The following LARGE1 variants were observed in gnomAD, a reference collection of about 807,000 sequenced individuals.
The protein encoded by LARGE1 is LARGE xylosyl- and glucuronyltransferase 1, also known as xylosyl- and glucuronyltransferase LARGE1.
Under a neutral mutation model 87.6 loss-of-function variants are expected in LARGE1, and 43 were observed. The observed-to-expected ratio is 0.49, with a 90% CI of 0.38 to 0.63. The LOEUF (loss-of-function observed/expected upper bound fraction) is 0.63. Among genes scored for constraint, LARGE1 ranks in the 30% least tolerant of loss-of-function variants. The probability of loss-of-function intolerance (pLI) is 0.00; values close to 1 mark genes in which losing one functional copy is unlikely to be tolerated. For synonymous variants in LARGE1, 434 were observed against 394.6 expected (o/e 1.10, Z -1.18); for missense variants, 802 against 1,000.2 (o/e 0.80, Z 2.67).
chr22:33,753,262 G>T (rs550675361), intron 2 of LARGE1, among the ~76,000 whole-genome samples: 1 of 152,006 alleles, frequency 6.6e-6, no homozygotes, highest in South Asian at 2.1e-4. Context: ...ATAAGAGGGG[G>T]GTAGGAGAGT....
chr22:33,668,141 G>T (rs1358639560), intron 2 of LARGE1, among the ~76,000 whole-genome samples: 2 of 152,220 alleles, frequency 1.3e-5, no homozygotes, highest in East Asian at 3.9e-4. Flanking sequence ...CTGCTTTATG[G>T]AATAATTAAT....
chr22:33,375,861 C>T (rs888856988), intron 9 of LARGE1, among the ~76,000 whole-genome samples: 7 of 152,168 alleles, frequency 4.6e-5, no homozygotes, highest in Non-Finnish European at 7.3e-5. Flanking sequence ...AGTTCTCCCA[C>T]CTCAACCTCC....
chr22:33,884,321 C>T (rs767797249), intron 1 of LARGE1, among the ~76,000 whole-genome samples: 2 of 152,230 alleles, frequency 1.3e-5, no homozygotes, highest in Non-Finnish European at 1.5e-5. Context: ...TATCCTGGGT[C>T]ACTGTACGTT....
At chr22:33,879,172 A>G (rs1601838546) in intron 1 of LARGE1, among the ~76,000 whole-genome samples, 1 of 152,190 alleles carries the variant, frequency 6.6e-6, no homozygotes, top group African/African-American at 2.4e-5. Flanking sequence ...GGGTTTCTCT[A>G]TGTTGGTCAG....
At chr22:33,776,598 TTCC>T (rs906601789) in intron 1 of LARGE1, among the ~76,000 whole-genome samples, 1 of 152,176 alleles carries the variant, frequency 6.6e-6, no homozygotes, top group Non-Finnish European at 1.5e-5. Context: ...ATCTTTGTTC[TTCC>T]GATTTTCATT....
chr22:33,729,742 C>G lies in LARGE1; in HGVS notation c.106+31629G>C, dbSNP rs150829183. On this transcript the variant is annotated intron_variant, in intron 2 of 14. Transcript: ENST00000397394. Reference sequence around the variant, plus strand: ...GAACACAGGATGGACATGGCCCTAGCCCCTTCCCTAAGCCTTGGTTCCTAC... The same window carrying G: ...GAACACAGGATGGACATGGCCCTAGGCCCTTCCCTAAGCCTTGGTTCCTAC... 4.5e-4 allele frequency among the ~76,000 whole-genome samples: 69 copies of G among 152,352 alleles called. 1 individual carries two copies. Among genetic ancestry groups the G allele is most frequent in the African/African-American group, 1.5e-3 (63 of 41,576 alleles).
At chr22:33,217,238 C>CA (rs137458) in intron 11 of LARGE1, among the ~76,000 whole-genome samples, 3,650 of 131,286 alleles carry the variant, frequency 0.028, 81 homozygotes, top group African/African-American at 0.063. Context: ...TATCTAACAG[C>CA]AAAAAAAAAA....
At chr22:33,420,599 A>G (rs1197671574) in intron 7 of LARGE1, among the ~76,000 whole-genome samples, 3 of 152,148 alleles carry the variant, frequency 2.0e-5, no homozygotes, top group Non-Finnish European at 4.4e-5. Context: ...AGGAAACGAC[A>G]TCAAAAAAGC....
chr22:33,470,230 C>A (rs2068774914), intron 6 of LARGE1, among the ~76,000 whole-genome samples: 1 of 151,972 alleles, frequency 6.6e-6, no homozygotes, highest in South Asian at 2.1e-4. Flanking sequence ...ATCTGTACAC[C>A]AAACCCTCAT....
At chr22:33,124,671 C>T in the LARGE1 span, among the ~76,000 whole-genome samples, 1 of 152,126 alleles carries the variant, frequency 6.6e-6, no homozygotes, top group Admixed American at 6.5e-5. Context: ...GACTCATCAC[C>T]GATGCAGGGC....
In LARGE1 at chr22:33,368,310, G is replaced by A. The variant is rs575268466; in HGVS notation, c.1131+13609C>T. 3.8e-4 allele frequency among the ~76,000 whole-genome samples: 58 copies of A among 152,098 alleles called. 1 individual carries two copies. In the South Asian group the frequency reaches 0.012, roughly 30 times the overall value. ...CTTTGGGAGGCCGAGGTGGGAGGCC[G>A]ATCACCTGAGGTCAAGAGTTTGAGA... On this transcript the variant is annotated intron_variant, in intron 9 of 14. Transcript: ENST00000397394.
chr22:33,419,473 G>A (rs750714195), intron 7 of LARGE1, among the ~76,000 whole-genome samples: 3 of 151,802 alleles, frequency 2.0e-5, no homozygotes, highest in Non-Finnish European at 4.4e-5. Flanking sequence ...TGCACGTGCC[G>A]TCCTCTCTAT....
chr22:33,088,045 A>G, the LARGE1 span, among the ~76,000 whole-genome samples: 1 of 150,056 alleles, frequency 6.7e-6, no homozygotes, highest in Non-Finnish European at 1.5e-5. Flanking sequence ...TGGACAGCAC[A>G]GGCCTAACAC....
chr22:33,562,976 GA>G (rs1203852513), intron 6 of LARGE1: 2 of 152,730 alleles, frequency 1.3e-5, no homozygotes, highest in African/African-American at 4.8e-5. Flanking sequence ...GGGAAGGGGA[GA>G]AAGCAGGACT....
At chr22:33,736,167 T>C (rs1005558887) in intron 2 of LARGE1, among the ~76,000 whole-genome samples, 4 of 152,260 alleles carry the variant, frequency 2.6e-5, no homozygotes, top group East Asian at 1.9e-4. Flanking sequence ...TGGAGCGGAA[T>C]TGCTGGGCCA....
intron 1 of LARGE1, among the ~76,000 whole-genome samples, chr22:33,918,561 G>A (rs993792871): frequency 9.9e-5 from 15 of 152,180 alleles, no homozygotes; most frequent in African/African-American, 2.9e-4. Context: ...TAAAGCTGGC[G>A]TTTTTATTTC....
At chr22:33,807,524 A>G (rs1384960405) in intron 1 of LARGE1, among the ~76,000 whole-genome samples, 1 of 152,190 alleles carries the variant, frequency 6.6e-6, no homozygotes, top group Non-Finnish European at 1.5e-5. Context: ...ACATTGATAC[A>G]TCATTATCGC....
At chr22:33,882,018 G>A (rs1192050477) in intron 1 of LARGE1, among the ~76,000 whole-genome samples, 1 of 151,612 alleles carries the variant, frequency 6.6e-6, no homozygotes, top group East Asian at 1.9e-4. Context: ...TTATCTTTGC[G>A]GGGTTTTTTT....
chr22:33,277,790 C>T (rs529472583), intron 13 of LARGE1, among the ~76,000 whole-genome samples: 4 of 152,304 alleles, frequency 2.6e-5, no homozygotes, highest in South Asian at 4.1e-4. Context: ...TGCAGGAAAC[C>T]CTAATCCCAT....
Sources: allele counts gnomAD v4.1 joint callset (sites outside exome capture counted in the v4.1 genomes callset), GRCh38; gene constraint gnomAD v4.1.1; transcripts MANE v1.5; gene names NCBI Gene and HGNC (gene_info 2026-07-23, HGNC 2026-07-21).